CDC73: variants seen among roughly 807,000 people sequenced by gnomAD.
CDC73 encodes the protein parafibromin.
A neutral mutation model predicts 83.7 loss-of-function variants in CDC73; 21 were observed. That is an observed-to-expected ratio of 0.25 (90% CI 0.18 to 0.36). The LOEUF (loss-of-function observed/expected upper bound fraction) is 0.36, where lower values mean the gene tolerates loss of function less well. CDC73 is among the 10% of genes least tolerant of loss of function. CDC73 has a pLI of 1.00. For synonymous variants in CDC73, 224 were observed against 212.9 expected (o/e 1.05, Z -0.45); for missense variants, 342 against 653.3 (o/e 0.52, Z 5.19).
At position 193,250,938 on chromosome 1, in the gene CDC73, A is replaced by C. The variant is rs1024228801; in HGVS notation, c.*226A>C. ...TAATGGAAATTGTATATTTTGATAG[A>C]AGTTTTTTCTCCATTGGTTAAATTA... On this transcript the variant is annotated 3_prime_UTR_variant, in exon 17 of 17. Transcript: ENST00000367435. 1.9e-6 allele frequency: 1 copy of C among 522,504 alleles called. No individual in the cohort carries two copies. The allele number at this position is 522,504 out of a possible 1,614,324, so 32.4% of individuals were successfully genotyped here.
intron 13 of CDC73, among the ~76,000 whole-genome samples, chr1:193,229,414 G>C (rs1488562441): frequency 6.6e-6 from 1 of 152,216 alleles, no homozygotes; most frequent in African/African-American, 2.4e-5. Flanking sequence ...TAAGGGCTCT[G>C]CCCTCACAAA....
intron 1 of CDC73, 116 bp downstream of exon 1, chr1:193,122,447 C>A (rs944702843): frequency 2.1e-5 from 29 of 1,357,068 alleles, no homozygotes; most frequent in Non-Finnish European, 3.0e-5. Flanking sequence ...AACGGGTGTT[C>A]GGGGAAAAGA....
At chr1:193,226,888 T>C (rs991903071) in intron 13 of CDC73, among the ~76,000 whole-genome samples, 2 of 152,174 alleles carry the variant, frequency 1.3e-5, no homozygotes, top group African/African-American at 4.8e-5. Context: ...GTCAAAAGGA[T>C]TGGTACCAAT....
At chr1:193,151,245 A>G (rs917508947) in intron 9 of CDC73, among the ~76,000 whole-genome samples, 1 of 152,174 alleles carries the variant, frequency 6.6e-6, no homozygotes, top group Admixed American at 6.5e-5. Flanking sequence ...AGTTTTTTTT[A>G]AATGATATGT....
intron 3 of CDC73, among the ~76,000 whole-genome samples, chr1:193,133,505 C>T (rs1465488588): frequency 6.6e-6 from 1 of 152,054 alleles, no homozygotes; most frequent in Non-Finnish European, 1.5e-5. Flanking sequence ...GAACTTAAAA[C>T]CCTGATAATT....
intron 9 of CDC73, 96 bp from the exon 10 acceptor site, chr1:193,152,284 C>A: frequency 1.3e-6 from 1 of 766,884 alleles, no homozygotes; most frequent in Non-Finnish European, 2.3e-6. Flanking sequence ...ATTATTGAAC[C>A]ATCACATTCA....
chr1:193,158,620 CTG>C (rs1016069654), intron 10 of CDC73, among the ~76,000 whole-genome samples: 7 of 152,024 alleles, frequency 4.6e-5, no homozygotes, highest in Non-Finnish European at 2.9e-5. Flanking sequence ...TTTCTGTACT[CTG>C]TGTTTAGACT....
chr1:193,146,512 A>G (rs557210897), intron 7 of CDC73, among the ~76,000 whole-genome samples: 3 of 152,294 alleles, frequency 2.0e-5, no homozygotes, highest in Admixed American at 6.5e-5. Flanking sequence ...CAAGCAAGCA[A>G]GCAAGCAAAT....
intron 15 of CDC73, among the ~76,000 whole-genome samples, chr1:193,241,776 C>T (rs888435947): frequency 2.6e-5 from 4 of 152,192 alleles, no homozygotes; most frequent in African/African-American, 9.7e-5. Context: ...AATGTGTGCT[C>T]AGGCACTGCT....
intron 10 of CDC73, among the ~76,000 whole-genome samples, chr1:193,199,462 A>G (rs1677053856): frequency 6.6e-6 from 1 of 152,196 alleles, no homozygotes; most frequent in Non-Finnish European, 1.5e-5. Flanking sequence ...CTGTAATCCC[A>G]GCACTTTGGG....
At chr1:193,169,485 C>G (rs1171313790) in intron 10 of CDC73, among the ~76,000 whole-genome samples, 2 of 152,104 alleles carry the variant, frequency 1.3e-5, no homozygotes, top group South Asian at 2.1e-4. Context: ...CCAGAGGTCA[C>G]AGTGAGCCAA....
At chr1:193,233,799 G>C (rs1190067980) in intron 14 of CDC73, among the ~76,000 whole-genome samples, 1 of 152,058 alleles carries the variant, frequency 6.6e-6, no homozygotes, top group East Asian at 1.9e-4. Context: ...TTTTATCATG[G>C]TTTAACACTT....
At position 193,203,801 on chromosome 1, in the gene CDC73, G is replaced by A. The variant is rs2103178028; in HGVS notation, c.979G>A (p.Ala327Thr). 1 of 1,611,162 alleles carries A rather than the reference G, an allele frequency of 6.2e-7. No individual in the cohort carries two copies. The highest frequency in any genetic ancestry group is 8.5e-7 in the Non-Finnish European group (1 of 1,177,450). Residue 327 changes from alanine to threonine, a missense_variant, in exon 11 of 17, where the codon GCA becomes ACA. By Grantham distance (58) the Ala-to-Thr change is moderately conservative. Coordinates refer to ENST00000367435, the MANE Select transcript of CDC73 (RefSeq NM_024529.5). Reference protein sequence around the residue: ...GMTLKSVTEGASARKTQTPAA... With the variant: ...GMTLKSVTEGTSARKTQTPAA... ...AATTCTTATTCTTTTAAAGGAGGGT[G>A]CATCTGCCCGGAAGACTCAGACTCC...
At chr1:193,243,481 A>C (rs1276140959) in intron 15 of CDC73, among the ~76,000 whole-genome samples, 1 of 152,200 alleles carries the variant, frequency 6.6e-6, no homozygotes, top group Admixed American at 6.5e-5. Flanking sequence ...ATATCAATAA[A>C]GATGAAATCT....
chr1:193,149,513 A>G (rs1209453281), intron 8 of CDC73, among the ~76,000 whole-genome samples: 6 of 152,150 alleles, frequency 3.9e-5, no homozygotes. Context: ...ACCATTTGTG[A>G]CTGATTATTC....
chr1:193,206,836 G>T (rs1677196840), intron 11 of CDC73, among the ~76,000 whole-genome samples: 2 of 152,182 alleles, frequency 1.3e-5, no homozygotes, highest in Middle Eastern at 6.8e-3. Context: ...GTTGTGCCAG[G>T]CAAGTCTCTG....
At chr1:193,157,262 T>G (rs1194454846) in intron 10 of CDC73, among the ~76,000 whole-genome samples, 3 of 152,212 alleles carry the variant, frequency 2.0e-5, no homozygotes, top group African/African-American at 4.8e-5. Flanking sequence ...TTTTTCTTCT[T>G]CCTGCCTGTT....
intron 3 of CDC73, among the ~76,000 whole-genome samples, chr1:193,132,895 A>ATTTTT (rs781435930): frequency 7.1e-5 from 8 of 113,190 alleles, no homozygotes; most frequent in Admixed American, 1.9e-4. Flanking sequence ...TTTCCTGTAG[A>ATTTTT]TTTTTTTTTT....
intron 10 of CDC73, among the ~76,000 whole-genome samples, chr1:193,200,733 A>AT (rs370936140): frequency 5.9e-5 from 9 of 151,610 alleles, no homozygotes; most frequent in African/African-American, 2.2e-4. Flanking sequence ...ATTCCAGATT[A>AT]TTTTTTCTGT....
Sources: allele counts gnomAD v4.1 joint callset (sites outside exome capture counted in the v4.1 genomes callset), GRCh38; gene constraint gnomAD v4.1.1; transcripts MANE v1.5; gene names NCBI Gene and HGNC (gene_info 2026-07-23, HGNC 2026-07-21).